Variants in CACNA1I observed in about 807,000 individuals in gnomAD.
The protein encoded by CACNA1I is voltage-dependent T-type calcium channel subunit alpha-1I.
In CACNA1I, 74 loss-of-function variants were observed where a neutral mutation model predicts 201.6. The observed-to-expected ratio is 0.37, with a 90% CI of 0.30 to 0.45. The LOEUF (loss-of-function observed/expected upper bound fraction) is 0.45, where lower values mean the gene tolerates loss of function less well. CACNA1I is among the 20% of genes least tolerant of loss of function. The probability of loss-of-function intolerance (pLI) is 1.00; values close to 1 mark genes in which losing one functional copy is unlikely to be tolerated. For synonymous variants in CACNA1I, 1,431 were observed against 1,345.2 expected (o/e 1.06, Z -1.40); for missense variants, 2,346 against 3,138.1 (o/e 0.75, Z 6.03).
At chr22:39,661,571 G>A (rs1447696002) in intron 16 of CACNA1I, among the ~76,000 whole-genome samples, 1 of 152,228 alleles carries the variant, frequency 6.6e-6, no homozygotes, top group East Asian at 1.9e-4. Flanking sequence ...GGTAAAAAGA[G>A]CTGGGCTTTG....
intron 4 of CACNA1I, among the ~76,000 whole-genome samples, chr22:39,623,730 G>C (rs1482649264): frequency 2.0e-5 from 3 of 149,682 alleles, no homozygotes; most frequent in Non-Finnish European, 4.5e-5. Flanking sequence ...TGTTATGAAA[G>C]TATGCGTGCC....
chr22:39,629,206 T>C lies in CACNA1I; in HGVS notation c.581-5359T>C, dbSNP rs992355417. On this transcript the variant is annotated intron_variant, in intron 4 of 36. Coordinates refer to ENST00000402142, the MANE Select transcript of CACNA1I (RefSeq NM_021096.4). This position sits in a 1 kb window ranked among gnomAD's most constrained non-coding sequence, Gnocchi z 4.8. ...CTAGAGACCGTCCTCACCCTGGTGC[T>C]CCACATGACGCTCCCGGGCCAGACT... Among the ~76,000 whole-genome samples the C allele has an allele frequency of 2.6e-5, 4 of 151,988 alleles. No homozygotes were observed. The highest frequency in any genetic ancestry group is 2.6e-4 in the Admixed American group (4 of 15,272).
intron 11 of CACNA1I, 74 bp from the exon 12 acceptor site, chr22:39,658,855 CCT>C: frequency 8.0e-7 from 1 of 1,247,938 alleles, no homozygotes; most frequent in Admixed American, 2.1e-5. Context: ...TTCCCTTCTC[CCT>C]CTGTCTTCCT....
intron 34 of CACNA1I, among the ~76,000 whole-genome samples, chr22:39,682,004 C>T (rs894840184): frequency 2.0e-5 from 3 of 152,156 alleles, no homozygotes; most frequent in South Asian, 2.1e-4. Flanking sequence ...CATTGGAGGT[C>T]GGGGTGGCAC....
rs543779012 is a variant in CACNA1I, at chr22:39,637,880, T to C, written c.741-2987T>C. The stretch of plus-strand genomic sequence containing the variant: ...CTTACTTTTTTAAAAAGAAAAATCC[T>C]TTACATGTAGGTCTGACGTCCAAAT... On this transcript the variant is annotated intron_variant, in intron 5 of 36. Transcript: ENST00000402142. Among the ~76,000 whole-genome samples the C allele has an allele frequency of 3.3e-5, 5 of 152,338 alleles. No homozygotes were observed. The East Asian group carries it at 9.6e-4, about 29-fold the overall frequency.
At chr22:39,647,538 A>G (rs995358782) in intron 8 of CACNA1I, among the ~76,000 whole-genome samples, 1 of 152,232 alleles carries the variant, frequency 6.6e-6, no homozygotes, top group African/African-American at 2.4e-5. Flanking sequence ...CAGCCTTCGG[A>G]GTAGCTGGGA....
Position 39,570,914 on chromosome 22 carries a change from G to A in CACNA1I, c.162G>A (p.Leu54=). The A allele has an allele frequency of 6.2e-7, 1 of 1,613,866 alleles. No individual in the cohort carries two copies. The highest frequency in any genetic ancestry group is 8.5e-7 in the Non-Finnish European group (1 of 1,179,872). ...ATCCTCATGTCCCACACCCAGACCTGGCGCCTATTGCCTTCTTCTGCCTGC... is the reference window on the plus strand; with the variant it reads ...ATCCTCATGTCCCACACCCAGACCTAGCGCCTATTGCCTTCTTCTGCCTGC... ...GADPHVPHPD[L]APIAFFCLRQ... is the part of the protein sequence containing the mutation. Residue 54 remains leucine, a synonymous_variant, in exon 1 of 37, where the codon CTG becomes CTA. Coordinates refer to ENST00000402142, the MANE Select transcript of CACNA1I (RefSeq NM_021096.4).
intron 7 of CACNA1I, 116 bp downstream of exon 7, chr22:39,643,005 G>T (rs958438563): frequency 1.4e-5 from 9 of 657,174 alleles, no homozygotes; most frequent in Non-Finnish European, 2.4e-5. Context: ...GGACAGCCGG[G>T]ATGAGGGAGC....
intron 26 of CACNA1I, among the ~76,000 whole-genome samples, chr22:39,671,295 A>G (rs1935370189): frequency 6.6e-6 from 1 of 152,214 alleles, no homozygotes; most frequent in Non-Finnish European, 1.5e-5. Context: ...CCTCGCAGCA[A>G]TCCTAAGGCT....
intron 32 of CACNA1I, 137 bp from the exon 33 acceptor site, chr22:39,679,585 A>G (rs1466207921): frequency 1.9e-6 from 2 of 1,060,194 alleles, no homozygotes; most frequent in African/African-American, 3.2e-5. Context: ...AGAAGGGGTG[A>G]CCCTGTGATG....
In CACNA1I at chr22:39,679,460, G is replaced by C; in HGVS notation, c.5394+15G>C. 4 of 1,406,418 alleles carry C rather than the reference G, an allele frequency of 2.8e-6. No individual in the cohort carries two copies. The highest frequency in any genetic ancestry group is 2.8e-6 in the Non-Finnish European group (3 of 1,086,950). The allele number at this position is 1,406,418 out of a possible 1,614,324, so 87.1% of individuals were successfully genotyped here. On this transcript the variant is annotated intron_variant, in intron 32 of 36. Transcript: ENST00000402142. ...CGCCTGCCCAGGTGGGCAGGGGCTG[G>C]AGAGGTGTGAGGGTCGCCAGAGGGG... is the stretch of plus-strand genomic sequence containing the variant.
chr22:39,610,324 A>T (rs1248237660), intron 3 of CACNA1I, among the ~76,000 whole-genome samples: 1 of 152,176 alleles, frequency 6.6e-6, no homozygotes, highest in East Asian at 1.9e-4. Context: ...GGCACGAAAG[A>T]GCTGGGGAGA....
At chr22:39,583,040 CCAT>C (rs1932615010) in intron 1 of CACNA1I, among the ~76,000 whole-genome samples, 1 of 68,790 alleles carries the variant, frequency 1.5e-5, no homozygotes, top group East Asian at 2.1e-4. Context: ...AACCATCCAT[CCAT>C]CCATCCATCC....
chr22:39,585,348 C>CCACTGGG (rs1334311004), intron 1 of CACNA1I, among the ~76,000 whole-genome samples: 3 of 150,038 alleles, frequency 2.0e-5, no homozygotes, highest in African/African-American at 7.4e-5. Flanking sequence ...CAAGTGTGAG[C>CCACTGGG]CACTGGGCCC....
intron 29 of CACNA1I, among the ~76,000 whole-genome samples, chr22:39,675,633 G>A (rs533934831): frequency 5.9e-5 from 9 of 152,324 alleles, no homozygotes; most frequent in African/African-American, 1.4e-4. Context: ...CCATTTCCTC[G>A]ATTCTACGTA....
At chr22:39,586,309 T>A (rs1366147970) in intron 1 of CACNA1I, among the ~76,000 whole-genome samples, 1 of 152,022 alleles carries the variant, frequency 6.6e-6, no homozygotes, top group South Asian at 2.1e-4. Context: ...GGCCAACATA[T>A]AATGAAACCC....
At chr22:39,612,607 T>C (rs971128905) in intron 3 of CACNA1I, among the ~76,000 whole-genome samples, 1 of 152,130 alleles carries the variant, frequency 6.6e-6, no homozygotes, top group Non-Finnish European at 1.5e-5. Flanking sequence ...TTGCCTGTTT[T>C]AAAAAGGTGC....
intron 33 of CACNA1I, 63 bp downstream of exon 33, chr22:39,679,931 C>G: frequency 6.6e-7 from 1 of 1,521,050 alleles, no homozygotes; most frequent in Non-Finnish European, 8.9e-7. Context: ...TGGTGGGGGG[C>G]CTGTCCGAGG....
In CACNA1I at chr22:39,655,201, G is replaced by C. The variant is rs181763993; in HGVS notation, c.1993-2951G>C. The stretch of plus-strand genomic sequence containing the variant: ...TGCTCAGCACACCCGGCCCATGGGA[G>C]GGGCCTAATCAACGCTAGCTGCCAT... On this transcript the variant is annotated intron_variant, in intron 10 of 36. Transcript: ENST00000402142. 2.0e-5 allele frequency among the ~76,000 whole-genome samples: 3 copies of C among 152,304 alleles called. No individual in the cohort carries two copies. In the East Asian group the frequency reaches 5.8e-4, roughly 29 times the overall value.
Sources: allele counts gnomAD v4.1 joint callset (sites outside exome capture counted in the v4.1 genomes callset), GRCh38; gene constraint gnomAD v4.1.1; non-coding constraint Gnocchi (gnomAD v3.1); transcripts MANE v1.5; gene names NCBI Gene and HGNC (gene_info 2026-07-23, HGNC 2026-07-21).